PLD5: variants seen among roughly 807,000 people sequenced by gnomAD.
PLD5 encodes inactive phospholipase D5.
Under a neutral mutation model 61.1 loss-of-function variants are expected in PLD5, and 36 were observed. The ratio of observed to expected loss-of-function variants is 0.59; its 90% CI spans 0.45 to 0.78. The LOEUF is 0.78. PLD5 is among the 30% of genes least tolerant of loss of function. The pLI is 0.00. For missense variants in PLD5, 515 were observed against 644.4 expected, an observed-to-expected ratio of 0.80 and a Z score of 2.17; for synonymous variants, 243 against 242.8, an observed-to-expected ratio of 1.00 and a Z score of -0.01.
chr1:242,480,412 G>A (rs1203158883), intron 1 of PLD5, among the ~76,000 whole-genome samples: 1 of 152,034 alleles, frequency 6.6e-6, no homozygotes, highest in African/African-American at 2.4e-5. Context: ...ACCTCTAGAA[G>A]AAAACATTGA....
chr1:242,130,461 T>C (rs1303385040), intron 5 of PLD5, among the ~76,000 whole-genome samples: 1 of 152,240 alleles, frequency 6.6e-6, no homozygotes, highest in Admixed American at 6.5e-5. Flanking sequence ...TATGCGTAGA[T>C]ACACAGTAGT....
chr1:242,330,106 C>G (rs879739086), intron 2 of PLD5, among the ~76,000 whole-genome samples: 4 of 152,120 alleles, frequency 2.6e-5, no homozygotes, highest in Non-Finnish European at 5.9e-5. Flanking sequence ...AGCACATGCA[C>G]TTTAATAAGC....
intron 4 of PLD5, among the ~76,000 whole-genome samples, chr1:242,246,972 TTC>T (rs1672407540): frequency 3.5e-5 from 1 of 28,806 alleles, no homozygotes; most frequent in African/African-American, 7.2e-5. Flanking sequence ...GTTTTAGGGA[TTC>T]TTTTTTTTTT....
At chr1:242,432,703 G>T (rs1275678543) in intron 1 of PLD5, among the ~76,000 whole-genome samples, 1 of 152,110 alleles carries the variant, frequency 6.6e-6, no homozygotes, top group East Asian at 1.9e-4. Flanking sequence ...GGTCACATGG[G>T]TAGGCACCAT....
intron 1 of PLD5, among the ~76,000 whole-genome samples, chr1:242,472,709 A>G (rs2102951218): frequency 6.6e-6 from 1 of 152,324 alleles, no homozygotes; most frequent in East Asian, 1.9e-4. Context: ...AGTTGTAACT[A>G]TTTTTGACAA....
intron 5 of PLD5, chr1:242,178,250 C>T (rs1156528427): frequency 6.6e-6 from 1 of 152,190 alleles, no homozygotes; most frequent in African/African-American, 2.4e-5. Flanking sequence ...GCTATTCCAT[C>T]TTTCTGCATG....
At chr1:242,422,107 C>A (rs1434721767) in intron 1 of PLD5, among the ~76,000 whole-genome samples, 2 of 152,278 alleles carry the variant, frequency 1.3e-5, no homozygotes, top group African/African-American at 4.8e-5. Context: ...CCTGTCCCTT[C>A]TTGCTAGAGA....
At chr1:242,460,144 A>G (rs1377129095) in intron 1 of PLD5, among the ~76,000 whole-genome samples, 4 of 152,176 alleles carry the variant, frequency 2.6e-5, no homozygotes, top group African/African-American at 9.7e-5. Flanking sequence ...TTATCTCTGT[A>G]TACTGTACTT....
chr1:242,249,986 G>A (rs1216550373), intron 4 of PLD5, among the ~76,000 whole-genome samples: 1 of 152,130 alleles, frequency 6.6e-6, no homozygotes, highest in Non-Finnish European at 1.5e-5. Context: ...ACCATCCTAA[G>A]CTTTAATTAT....
intron 2 of PLD5, among the ~76,000 whole-genome samples, chr1:242,295,875 C>T (rs556938711): frequency 5.2e-4 from 79 of 152,170 alleles, no homozygotes; most frequent in Admixed American, 1.0e-3. Flanking sequence ...TTTTAGTTTG[C>T]GTTTCTCTGA....
At chr1:242,216,543 G>C (rs192780470) in intron 5 of PLD5, among the ~76,000 whole-genome samples, 5 of 152,156 alleles carry the variant, frequency 3.3e-5, no homozygotes, top group African/African-American at 1.2e-4. Flanking sequence ...CTCTCTACTT[G>C]GGAAATCAGC....
chr1:242,314,384 C>T (rs1676882924), intron 2 of PLD5, among the ~76,000 whole-genome samples: 1 of 152,182 alleles, frequency 6.6e-6, no homozygotes, highest in African/African-American at 2.4e-5. Context: ...GATCCAACAT[C>T]TTGTGTAAGA....
rs567900482 is a variant in PLD5, at chr1:242,135,643, A to G, written c.736-10978T>C. ...GTATAAAGTTATCTTCACTTGTAAT[A>G]GGATGGGCCATTGGCATGAAAATAG... On this transcript the variant is annotated intron_variant, in intron 5 of 9. Transcript: ENST00000536534. Among the ~76,000 whole-genome samples, 4 of 152,110 alleles carry G rather than the reference A, an allele frequency of 2.6e-5. No individual in the cohort carries two copies. The South Asian group carries it at 8.5e-4, about 32-fold the overall frequency.
At chr1:242,163,718 TCAGCAAAGTAAGGAGAGAAAG>T (rs1473027234) in intron 5 of PLD5, among the ~76,000 whole-genome samples, 1 of 151,730 alleles carries the variant, frequency 6.6e-6, no homozygotes, top group Non-Finnish European at 1.5e-5. Context: ...TCTCTACCAT[TCAGCAAAGTAAGGAGAGAAAG>T]AAAAAGGTGA....
intron 1 of PLD5, among the ~76,000 whole-genome samples, chr1:242,474,393 T>C (rs1431995551): frequency 6.6e-6 from 1 of 152,164 alleles, no homozygotes; most frequent in Non-Finnish European, 1.5e-5. Flanking sequence ...TTCCCCTCAC[T>C]ATCCCATATT....
rs1223210699 is a variant in PLD5 at position 242,207,989 on chromosome 1, TATAC to T, written c.735+11995_735+11998del. 1.1e-4 allele frequency among the ~76,000 whole-genome samples: 2 copies of T among 18,118 alleles called. 1 individual carries two copies. Among genetic ancestry groups the T allele is most frequent in the African/African-American group, 2.2e-4 (2 of 8,916 alleles). The allele number at this position is 18,118 out of a possible 152,430, so 11.9% of individuals were successfully genotyped here. The stretch of plus-strand genomic sequence containing the variant: ...TTATATATATTTTTATATATATATT[TATAC>T]ACACACACACACACACACACACACA... On this transcript the variant is annotated intron_variant, in intron 5 of 9. Coordinates refer to ENST00000536534, the MANE Select transcript of PLD5 (RefSeq NM_001372062.1).
chr1:242,252,875 G>A (rs1451868767), intron 4 of PLD5, among the ~76,000 whole-genome samples: 2 of 145,890 alleles, frequency 1.4e-5, no homozygotes, highest in Non-Finnish European at 1.5e-5. Flanking sequence ...GGAGTGCAGT[G>A]GTGTGATCTC....
intron 5 of PLD5, among the ~76,000 whole-genome samples, chr1:242,206,720 C>T (rs936077981): frequency 6.6e-6 from 1 of 152,148 alleles, no homozygotes; most frequent in Non-Finnish European, 1.5e-5. Flanking sequence ...TCTTCATCCT[C>T]ATTGTCTTCA....
intron 5 of PLD5, among the ~76,000 whole-genome samples, chr1:242,191,133 T>G (rs1254416693): frequency 6.6e-6 from 1 of 152,160 alleles, no homozygotes; most frequent in Non-Finnish European, 1.5e-5. Flanking sequence ...GGAGTTTTTT[T>G]TTTTTTTTTT....
Sources: allele counts gnomAD v4.1 joint callset (sites outside exome capture counted in the v4.1 genomes callset), GRCh38; gene constraint gnomAD v4.1.1; transcripts MANE v1.5; gene names NCBI Gene and HGNC (gene_info 2026-07-23, HGNC 2026-07-21).